KIF21A: variants seen among roughly 807,000 people sequenced by gnomAD.
KIF21A encodes the protein kinesin family member 21A.
In KIF21A, 114 loss-of-function variants were observed where a neutral mutation model predicts 202.9. The observed-to-expected ratio is 0.56, with a 90% CI of 0.48 to 0.66. The LOEUF is 0.66. KIF21A is among the 30% of genes least tolerant of loss of function. KIF21A has a pLI of 0.00. For missense variants in KIF21A, 1,677 were observed against 1,994.9 expected, an observed-to-expected ratio of 0.84 and a Z score of 3.04; for synonymous variants, 667 against 670.8, an observed-to-expected ratio of 0.99 and a Z score of 0.09.
intron 1 of KIF21A, among the ~76,000 whole-genome samples, chr12:39,410,340 C>T (rs1326955424): frequency 6.6e-6 from 1 of 152,018 alleles, no homozygotes; most frequent in Non-Finnish European, 1.5e-5. Context: ...TAACTTGTTA[C>T]AACAACAGTA....
intron 1 of KIF21A, among the ~76,000 whole-genome samples, chr12:39,375,793 C>A (rs1232243786): frequency 6.6e-6 from 1 of 152,092 alleles, no homozygotes; most frequent in East Asian, 1.9e-4. Flanking sequence ...CCTTCACAGG[C>A]CTTAATACAT....
At position 39,311,283 on chromosome 12, in the gene KIF21A, C is replaced by T. The variant is rs74088343; in HGVS notation, c.4096+134G>A. 790 of 762,232 alleles carry T rather than the reference C, an allele frequency of 1.0e-3. 3 individuals carry two copies. In the African/African-American group the frequency reaches 0.013, roughly 12 times the overall value. The allele number at this position is 762,232 out of a possible 1,614,324, so 47.2% of individuals were successfully genotyped here. The stretch of plus-strand genomic sequence containing the variant: ...CTATGCAATAATTTTATATATTTTA[C>T]ATTCAGGGGTTGAACCAGATTATCC... On this transcript the variant is annotated intron_variant, in intron 32 of 37. Transcript: ENST00000361418.
intron 24 of KIF21A, among the ~76,000 whole-genome samples, chr12:39,328,050 T>G (rs1158742156): frequency 6.6e-6 from 1 of 152,144 alleles, no homozygotes; most frequent in East Asian, 1.9e-4. Context: ...ATTTAAAAAT[T>G]TAACATTGCA....
Position 39,309,626 on chromosome 12 carries a change from A to C in KIF21A, c.4237T>G (p.Trp1413Gly), listed in dbSNP as rs1943821797. The C allele has an allele frequency of 1.2e-6, 2 of 1,612,980 alleles. No homozygotes were observed. Among genetic ancestry groups the C allele is most frequent in the Non-Finnish European group, 1.7e-6 (2 of 1,179,572 alleles). The change falls in exon 33 of 38, where the codon TGG (tryptophan) becomes GGG (glycine). Residue 1413 changes from tryptophan to glycine, a missense_variant. Physicochemically the swap from Trp to Gly is radical, Grantham distance 184. Around this residue, in one of 3 missense-constraint regions of KIF21A, gnomAD observed 705 missense variants for 791.9 expected, o/e 0.89. Coordinates refer to ENST00000361418, the MANE Select transcript of KIF21A (RefSeq NM_001173464.2). ...FTVSTSYIKV[W>G]DIRDSAKCIR... is the part of the protein sequence containing the mutation. ...CACTTTGCTGAATCTCTGATATCCC[A>C]CACCTTAATATAAGATGTTGATACA...
chr12:39,369,743 C>T lies in KIF21A; in HGVS notation c.436G>A (p.Ala146Thr), dbSNP rs1380112604. Residue 146 changes from alanine to threonine, a missense_variant, in exon 3 of 38, where the codon GCC (alanine) becomes ACC (threonine). Ala to Thr is a moderately conservative substitution (Grantham distance 58, BLOSUM62 0). This residue lies in a region of KIF21A where 966 missense variants were observed against 1,180.9 expected (regional missense o/e 0.82). Coordinates refer to ENST00000361418, the MANE Select transcript of KIF21A (RefSeq NM_001173464.2). ...GLPAPDFKVN[A>T]QFLELYNEEV... Reference sequence around the variant, plus strand: ...TGGATTATTACCTCTAAGAATTGGGCATTCACTTTAAAATCTGGAGCAGGA... The same window carrying T: ...TGGATTATTACCTCTAAGAATTGGGTATTCACTTTAAAATCTGGAGCAGGA... 2 of 1,612,270 alleles carry T rather than the reference C, an allele frequency of 1.2e-6. No individual in the cohort carries two copies. Among genetic ancestry groups the T allele is most frequent in the African/African-American group, 1.3e-5 (1 of 74,944 alleles).
chr12:39,367,191 T>C, intron 4 of KIF21A, 27 bp from the exon 5 acceptor site: 1 of 1,613,174 alleles, frequency 6.2e-7, no homozygotes, highest in Non-Finnish European at 8.5e-7. Context: ...AACAAGGACT[T>C]TACTTGAACA....
chr12:39,333,193 G>A lies in KIF21A; in HGVS notation c.2487+19C>T. On this transcript the variant is annotated intron_variant, in intron 18 of 37. Transcript: ENST00000361418. ...AAAGTCAGAAGGTTTCTTCCAAATGGTCAGCTTGCTTACTGTACCTCTTCA... is the reference window on the plus strand; with the variant it reads ...AAAGTCAGAAGGTTTCTTCCAAATGATCAGCTTGCTTACTGTACCTCTTCA... 7 of 1,612,022 alleles carry A rather than the reference G, an allele frequency of 4.3e-6. No individual in the cohort carries two copies. The highest frequency in any genetic ancestry group is 1.7e-5 in the Admixed American group (1 of 60,018).
intron 1 of KIF21A, among the ~76,000 whole-genome samples, chr12:39,406,888 A>C (rs1222119597): frequency 6.6e-6 from 1 of 152,222 alleles, no homozygotes; most frequent in East Asian, 1.9e-4. Context: ...TAATACCTCC[A>C]AACTCATGCT....
At chr12:39,401,835 T>C (rs1429290318) in intron 1 of KIF21A, among the ~76,000 whole-genome samples, 1 of 152,186 alleles carries the variant, frequency 6.6e-6, no homozygotes. Flanking sequence ...CAACTATATG[T>C]AATATTTTTT....
chr12:39,413,411 C>G (rs540579378), intron 1 of KIF21A, among the ~76,000 whole-genome samples: 1 of 152,174 alleles, frequency 6.6e-6, no homozygotes, highest in Admixed American at 6.5e-5. Context: ...TAATCCTTTG[C>G]GTTCCTTGAC....
At chr12:39,326,761 A>C (rs1592162153) in intron 24 of KIF21A, among the ~76,000 whole-genome samples, 1 of 152,370 alleles carries the variant, frequency 6.6e-6, no homozygotes, top group South Asian at 2.1e-4. Flanking sequence ...ATACTTTATC[A>C]GTTATGCCAA....
intron 1 of KIF21A, among the ~76,000 whole-genome samples, chr12:39,389,005 T>C (rs1951151297): frequency 6.6e-6 from 1 of 152,184 alleles, no homozygotes; most frequent in Non-Finnish European, 1.5e-5. Flanking sequence ...CACTTCTTAA[T>C]ATGTAAATTT....
rs939133191 is a variant in KIF21A at position 39,395,670 on chromosome 12, G to A, written c.45-25409C>T. Among the ~76,000 whole-genome samples the A allele has an allele frequency of 3.3e-5, 5 of 151,706 alleles. No individual in the cohort carries two copies. In the East Asian group the frequency reaches 7.8e-4, roughly 24 times the overall value. On this transcript the variant is annotated intron_variant, in intron 1 of 37. Coordinates refer to ENST00000361418, the MANE Select transcript of KIF21A (RefSeq NM_001173464.2). ...TAGCCTGGCCAACATGGGGAAACCC[G>A]ATCTCTACTAAAAATATAAAAACTA...
At chr12:39,416,815 GTA>G (rs1372279488) in intron 1 of KIF21A, among the ~76,000 whole-genome samples, 2 of 94,144 alleles carry the variant, frequency 2.1e-5, no homozygotes, top group Non-Finnish European at 4.2e-5. Context: ...ATATATGTGT[GTA>G]TATATGTACA....
intron 28 of KIF21A, among the ~76,000 whole-genome samples, chr12:39,319,142 T>A (rs1026745258): frequency 6.6e-6 from 1 of 152,194 alleles, no homozygotes; most frequent in African/African-American, 2.4e-5. Flanking sequence ...TTCACATTTA[T>A]TTTTATGTCA....
Position 39,332,674 on chromosome 12 carries a change from G to A in KIF21A, c.2773C>T (p.Leu925Phe). The change falls in exon 20 of 38, where the codon CTC (leucine) becomes TTC (phenylalanine). Residue 925 changes from leucine (L) to phenylalanine (F), a missense_variant. By Grantham distance (22) the Leu-to-Phe change is conservative. Coordinates refer to ENST00000361418, the MANE Select transcript of KIF21A (RefSeq NM_001173464.2). ...ATGTCTGTGACCCTGCGCTCAAGGA[G>A]CTGCCACTTCATGCGAGCTGTCTTG... ...ISKTARMKWQ[L>F]LERRVTDIIM... 1 of 1,613,342 alleles carries A rather than the reference G, an allele frequency of 6.2e-7. No homozygotes were observed. The highest frequency in any genetic ancestry group is 8.5e-7 in the Non-Finnish European group (1 of 1,179,888).
intron 35 of KIF21A, 55 bp from the exon 36 acceptor site, chr12:39,303,190 T>C (rs1943131495): frequency 2.0e-6 from 3 of 1,466,366 alleles, no homozygotes; most frequent in African/African-American, 1.4e-5. Flanking sequence ...TAAACACCAA[T>C]ATTTGTACAG....
Position 39,399,216 on chromosome 12 carries a change from T to A in KIF21A, c.45-28955A>T, listed in dbSNP as rs562823272. Among the ~76,000 whole-genome samples the A allele has an allele frequency of 3.3e-5, 5 of 152,304 alleles. No homozygotes were observed. In the South Asian group the frequency reaches 1.0e-3, roughly 32 times the overall value. On this transcript the variant is annotated intron_variant, in intron 1 of 37. Transcript: ENST00000361418. Reference sequence around the variant, plus strand: ...AAAGAAAATATAGTATAACAATTATTTACATAGCATTTATATTGTATTTTG... The same window carrying A: ...AAAGAAAATATAGTATAACAATTATATACATAGCATTTATATTGTATTTTG...
intron 1 of KIF21A, among the ~76,000 whole-genome samples, chr12:39,425,897 T>G (rs1954702426): frequency 7.1e-6 from 1 of 140,256 alleles, no homozygotes; most frequent in African/African-American, 2.7e-5. Context: ...CTAGCTACTC[T>G]GAAAGATACA....
Sources: allele counts gnomAD v4.1 joint callset (sites outside exome capture counted in the v4.1 genomes callset), GRCh38; gene constraint gnomAD v4.1.1; regional missense constraint gnomAD v4.1.1; transcripts MANE v1.5; gene names NCBI Gene and HGNC (gene_info 2026-07-23, HGNC 2026-07-21).